ATXN7: variants seen among roughly 807,000 people sequenced by gnomAD.
ATXN7 encodes the protein ataxin 7.
ATXN7 carries 12 observed loss-of-function variants against 70.5 expected under a neutral mutation model. The observed-to-expected ratio is 0.17, with a 90% CI of 0.11 to 0.28. ATXN7 has a LOEUF of 0.28. Among genes scored for constraint, ATXN7 ranks in the 10% least tolerant of loss-of-function variants. The pLI, the probability that ATXN7 is intolerant of heterozygous loss-of-function variation, is 1.00. For missense variants in ATXN7, 1,256 were observed against 1,131.7 expected, an observed-to-expected ratio of 1.11 and a Z score of -1.58; for synonymous variants, 498 against 448.7, an observed-to-expected ratio of 1.11 and a Z score of -1.39.
chr3:63,930,908 A>C (rs983355772), intron 4 of ATXN7, among the ~76,000 whole-genome samples: 2 of 152,186 alleles, frequency 1.3e-5, no homozygotes, highest in Non-Finnish European at 2.9e-5. Flanking sequence ...GACACTAGAC[A>C]GGTGGCTACT....
At chr3:63,968,031 G>A in intron 5 of ATXN7, 2 of 1,400,122 alleles carry the variant, frequency 1.4e-6, no homozygotes. Flanking sequence ...CCCAGCTCTG[G>A]ATGAGCCTGT....
At chr3:63,967,994 T>G (rs1204921270) in intron 5 of ATXN7, 2 of 1,529,074 alleles carry the variant, frequency 1.3e-6, no homozygotes, top group Non-Finnish European at 1.8e-6. Context: ...TCTGAGGCAG[T>G]TTTCAGAGTC....
rs56293497 is a variant in ATXN7 at position 63,892,374 on chromosome 3, C to CCACACA, written c.-110-5993_-110-5988dup. Among the ~76,000 whole-genome samples, 1,156 of 133,448 alleles carry CCACACA rather than the reference C, an allele frequency of 8.7e-3. 14 individuals are homozygous for CCACACA. Among genetic ancestry groups the CCACACA allele is most frequent in the Middle Eastern group, 0.016 (4 of 256 alleles). The allele number at this position is 133,448 out of a possible 152,430, so 87.5% of individuals were successfully genotyped here. ...CCAGTCAACTTTAAAGACACCTCTA[C>CCACACA]CACACACACACACACACACACACAC... On this transcript the variant is annotated intron_variant, in intron 1 of 12. Transcript: ENST00000674280.
intron 2 of ATXN7, chr3:63,900,693 TC>T (rs1275394743): frequency 6.6e-6 from 1 of 152,360 alleles, no homozygotes; most frequent in Non-Finnish European, 1.5e-5. Flanking sequence ...TTATGGAGTT[TC>T]TACTGTGTGC....
intron 5 of ATXN7, 29 bp downstream of exon 5, chr3:63,952,512 T>A (rs771002676): frequency 4.0e-6 from 6 of 1,493,502 alleles, no homozygotes; most frequent in Non-Finnish European, 5.5e-6. Context: ...AAAAAATTGT[T>A]AATAGAAGGT....
At chr3:63,897,105 G>A (rs376051707) in intron 1 of ATXN7, among the ~76,000 whole-genome samples, 1 of 152,172 alleles carries the variant, frequency 6.6e-6, no homozygotes, top group South Asian at 2.1e-4. Flanking sequence ...AGCTTTGAAT[G>A]ATTTTTGCAC....
chr3:63,998,454 A>G (rs2075794804), intron 12 of ATXN7: 5 of 985,336 alleles, frequency 5.1e-6, no homozygotes, highest in Non-Finnish European at 6.0e-6. Flanking sequence ...TCTTTGGCTC[A>G]TGACCTGCCA....
At chr3:63,888,009 C>T (rs949691157) in intron 1 of ATXN7, among the ~76,000 whole-genome samples, 2 of 151,814 alleles carry the variant, frequency 1.3e-5, no homozygotes, top group African/African-American at 2.4e-5. Flanking sequence ...TATTGACTGC[C>T]AGAATATTCT....
At chr3:63,929,539 G>A (rs1378237895) in intron 4 of ATXN7, among the ~76,000 whole-genome samples, 1 of 152,126 alleles carries the variant, frequency 6.6e-6, no homozygotes, top group Non-Finnish European at 1.5e-5. Context: ...CCAAAGTGCT[G>A]GGATTACAGG....
rs2075461216 is a variant in ATXN7 at position 63,980,133 on chromosome 3, C to T, written c.718C>T (p.Pro240Ser). 1.2e-6 allele frequency: 2 copies of T among 1,614,178 alleles called. No homozygotes were observed. The highest frequency in any genetic ancestry group is 1.7e-6 in the Non-Finnish European group (2 of 1,180,038). Reference sequence around the variant, plus strand: ...CAGGGGGAACACCAGGCCAATGCATCCCATTCAGCAAAGTAGAGTTCCCCA... The same window carrying T: ...CAGGGGGAACACCAGGCCAATGCATTCCATTCAGCAAAGTAGAGTTCCCCA... Reference protein sequence around the residue: ...QLRGNTRPMHPIQQSRVPHGR... With the variant: ...QLRGNTRPMHSIQQSRVPHGR... Residue 240 changes from proline (P) to serine (S), a missense_variant, in exon 6 of 13, where the codon CCC (proline) becomes TCC (serine). Coordinates refer to ENST00000674280, the MANE Select transcript of ATXN7 (RefSeq NM_001377405.1).
At chr3:63,992,979 A>T (rs971845219) in intron 11 of ATXN7, among the ~76,000 whole-genome samples, 1 of 152,194 alleles carries the variant, frequency 6.6e-6, no homozygotes, top group Non-Finnish European at 1.5e-5. Context: ...TTTCAAAGTG[A>T]TCCAGGTCCC....
chr3:63,987,021 G>T (rs2075588726), intron 8 of ATXN7, among the ~76,000 whole-genome samples: 1 of 152,144 alleles, frequency 6.6e-6, no homozygotes, highest in Non-Finnish European at 1.5e-5. Context: ...GCATCTCCTT[G>T]CATTTTTACA....
intron 1 of ATXN7, among the ~76,000 whole-genome samples, chr3:63,886,587 A>G (rs1412200187): frequency 6.6e-6 from 1 of 152,224 alleles, no homozygotes; most frequent in Non-Finnish European, 1.5e-5. Flanking sequence ...CTATACTTAC[A>G]TAAGAGGTTA....
Position 63,982,413 on chromosome 3 carries a change from A to G in ATXN7, c.980A>G (p.Asn327Ser), listed in dbSNP as rs147368400. Residue 327 changes from asparagine to serine, a missense_variant, in exon 7 of 13, where the codon AAT becomes AGT. Coordinates refer to ENST00000674280, the MANE Select transcript of ATXN7 (RefSeq NM_001377405.1). ...GAAAAGAAACCTGAAGACAATTCCA[A>G]TAATAGGAAATTTTTAAATAAGAGA... ...TLEKKPEDNS[N>S]NRKFLNKRLS... 1.0e-4 allele frequency: 162 copies of G among 1,611,064 alleles called. 1 individual carries two copies. The African/African-American group carries it at 1.7e-3, about 17-fold the overall frequency.
At chr3:63,910,056 C>T (rs1703959579) in intron 2 of ATXN7, among the ~76,000 whole-genome samples, 1 of 151,928 alleles carries the variant, frequency 6.6e-6, no homozygotes, top group Non-Finnish European at 1.5e-5. Context: ...CATTTTAAGC[C>T]CGCTTGTGTT....
chr3:63,981,630 C>T (rs1336142961), intron 6 of ATXN7, among the ~76,000 whole-genome samples: 1 of 152,182 alleles, frequency 6.6e-6, no homozygotes, highest in Non-Finnish European at 1.5e-5. Context: ...ACTTTAGTGA[C>T]ACAACATATA....
chr3:63,978,991 A>G (rs976610909), intron 5 of ATXN7, among the ~76,000 whole-genome samples: 2 of 152,222 alleles, frequency 1.3e-5, no homozygotes, highest in African/African-American at 4.8e-5. Context: ...AGTTAAGCAA[A>G]TGTGTAATTT....
intron 4 of ATXN7, among the ~76,000 whole-genome samples, chr3:63,917,005 C>T (rs768508954): frequency 6.6e-6 from 1 of 152,018 alleles, no homozygotes; most frequent in East Asian, 1.9e-4. Context: ...CTGCAACTTC[C>T]GCTTCCTGGG....
At chr3:63,956,886 G>A (rs556330577) in intron 5 of ATXN7, among the ~76,000 whole-genome samples, 6 of 152,342 alleles carry the variant, frequency 3.9e-5, no homozygotes, top group Non-Finnish European at 7.3e-5. Context: ...AGGAAGCAGC[G>A]TTGAGATGGT....
Sources: gnomAD v4.1 joint callset for allele counts (sites outside exome capture counted in the v4.1 genomes callset) on GRCh38, gnomAD v4.1.1 for gene constraint, MANE v1.5 for transcripts, NCBI Gene and HGNC (gene_info 2026-07-23, HGNC 2026-07-21) for gene names.